The following UST variants were observed in gnomAD, a reference collection of about 807,000 sequenced individuals.
The protein encoded by UST is chondroitin sulfate 2-O-sulfotransferase.
Under a neutral mutation model 45.6 loss-of-function variants are expected in UST, and 21 were observed. That is an observed-to-expected ratio of 0.46 (90% CI 0.33 to 0.66). UST has a LOEUF of 0.66. Among genes scored for constraint, UST ranks in the 30% least tolerant of loss-of-function variants. The pLI is 0.02. For missense variants in UST, 463 were observed against 512.4 expected (o/e 0.90, Z 0.93); for synonymous variants, 215 against 200.6 (o/e 1.07, Z -0.61).
intron 5 of UST, among the ~76,000 whole-genome samples, chr6:149,010,808 G>A (rs867442975): frequency 5.3e-5 from 8 of 150,276 alleles, no homozygotes; most frequent in South Asian, 2.1e-4. Flanking sequence ...CAGGAGAATC[G>A]CTTAATCTGG....
intron 1 of UST, among the ~76,000 whole-genome samples, chr6:148,874,972 C>T (rs945600355): frequency 6.6e-5 from 10 of 152,270 alleles, no homozygotes; most frequent in African/African-American, 7.2e-5. Flanking sequence ...ACTCCCGGGG[C>T]GACATGCCGC....
At chr6:149,038,301 A>G (rs1450374302) in intron 7 of UST, among the ~76,000 whole-genome samples, 1 of 149,866 alleles carries the variant, frequency 6.7e-6, no homozygotes, top group Non-Finnish European at 1.5e-5. Flanking sequence ...GGAAGTAGAG[A>G]CTTTGCAGAT....
chr6:148,882,221 C>G (rs1463826003), intron 1 of UST, among the ~76,000 whole-genome samples: 2 of 152,078 alleles, frequency 1.3e-5, no homozygotes, highest in African/African-American at 4.8e-5. Context: ...CGCAGTGGCT[C>G]ACACCTGCAA....
chr6:148,894,087 T>C, intron 2 of UST, among the ~76,000 whole-genome samples: 1 of 151,894 alleles, frequency 6.6e-6, no homozygotes, highest in Non-Finnish European at 1.5e-5. Flanking sequence ...TTAAGAGTGG[T>C]AGGTGGGAAA....
At chr6:148,936,534 C>G (rs1004426918) in intron 2 of UST, among the ~76,000 whole-genome samples, 1 of 147,872 alleles carries the variant, frequency 6.8e-6, no homozygotes, top group African/African-American at 2.5e-5. Flanking sequence ...GTCACAGAAC[C>G]TAGGACAGGG....
chr6:148,850,001 A>G (rs952238361), intron 1 of UST, among the ~76,000 whole-genome samples: 1 of 152,190 alleles, frequency 6.6e-6, no homozygotes, highest in Non-Finnish European at 1.5e-5. Context: ...TCTATGTGGT[A>G]TATGTGTGTG....
chr6:148,796,901 C>G (rs987085578), intron 1 of UST, among the ~76,000 whole-genome samples: 1 of 138,562 alleles, frequency 7.2e-6, no homozygotes, highest in African/African-American at 2.7e-5. Context: ...CTCCCCAGTT[C>G]AAGCAATTCT....
intron 1 of UST, among the ~76,000 whole-genome samples, chr6:148,878,354 AGT>A (rs139798038): frequency 0.02 from 697 of 34,906 alleles, 39 homozygotes; most frequent in African/African-American, 0.059. Context: ...ATCGTGTATG[AGT>A]GTGGGGATCG....
At chr6:148,875,350 A>C (rs1052088924) in intron 1 of UST, among the ~76,000 whole-genome samples, 3 of 152,202 alleles carry the variant, frequency 2.0e-5, no homozygotes, top group Admixed American at 6.5e-5. Flanking sequence ...ATTGGAAAAA[A>C]TTTTTTGTAA....
intron 7 of UST, among the ~76,000 whole-genome samples, chr6:149,040,526 A>T (rs752695716): frequency 6.6e-6 from 1 of 152,150 alleles, no homozygotes; most frequent in African/African-American, 2.4e-5. Flanking sequence ...ATGGTGGTGC[A>T]TGCCTGTAAT....
intron 1 of UST, among the ~76,000 whole-genome samples, chr6:148,761,449 C>T (rs984975496): frequency 2.6e-5 from 4 of 151,554 alleles, no homozygotes; most frequent in Non-Finnish European, 5.9e-5. Context: ...CTGGTCAGAG[C>T]TTTACAGAAA....
chr6:149,052,531 G>T (rs564316485), intron 7 of UST, among the ~76,000 whole-genome samples: 69 of 152,284 alleles, frequency 4.5e-4, no homozygotes, highest in African/African-American at 1.6e-3. Flanking sequence ...GCACTCAAGT[G>T]ATTGAACATT....
chr6:148,887,974 C>A (rs986374341), intron 2 of UST, among the ~76,000 whole-genome samples: 2 of 152,126 alleles, frequency 1.3e-5, no homozygotes, highest in Non-Finnish European at 2.9e-5. Flanking sequence ...GATAATGAAC[C>A]CCCAACCTTA....
intron 2 of UST, among the ~76,000 whole-genome samples, chr6:148,914,406 T>A (rs1223256571): frequency 1.4e-5 from 1 of 70,906 alleles, no homozygotes; most frequent in Non-Finnish European, 3.0e-5. Context: ...GGGGGGTGGG[T>A]GGGGAGGATG....
intron 7 of UST, among the ~76,000 whole-genome samples, chr6:149,054,477 G>T (rs952374086): frequency 6.6e-6 from 1 of 152,172 alleles, no homozygotes; most frequent in African/African-American, 2.4e-5. Flanking sequence ...ATCTTCTGTG[G>T]TTCCAGATAC....
intron 1 of UST, among the ~76,000 whole-genome samples, chr6:148,785,919 A>G (rs1409913587): frequency 2.0e-5 from 3 of 152,244 alleles, no homozygotes; most frequent in African/African-American, 7.2e-5. Context: ...GATATACAGA[A>G]GTAGAATTAT....
Position 149,013,713 on chromosome 6 carries a change from AT to A in UST, c.682-5424del, listed in dbSNP as rs1402028863. ...CCAGCACCCAAATCTCCTTTTCCTCATTCAGGGAACTTTGCATATGGCCTCT... is the reference window on the plus strand; with the variant it reads ...CCAGCACCCAAATCTCCTTTTCCTCATCAGGGAACTTTGCATATGGCCTCT... On this transcript the variant is annotated intron_variant, in intron 5 of 7. Coordinates refer to ENST00000367463, the MANE Select transcript of UST (RefSeq NM_005715.3). Among the ~76,000 whole-genome samples the A allele has an allele frequency of 2.0e-5, 3 of 152,154 alleles. 1 individual carries two copies. The highest frequency in any genetic ancestry group is 1.3e-4 in the Admixed American group (2 of 15,294).
chr6:148,961,994 C>A (rs141771434), intron 4 of UST, among the ~76,000 whole-genome samples: 1,908 of 152,300 alleles, frequency 0.013, 42 homozygotes, highest in African/African-American at 0.042. Flanking sequence ...GGACGTGTCA[C>A]CCCAGATTTT....
At chr6:149,004,257 A>G (rs1043433897) in intron 5 of UST, among the ~76,000 whole-genome samples, 1 of 152,210 alleles carries the variant, frequency 6.6e-6, no homozygotes. Flanking sequence ...AGAATTGTCA[A>G]CAGCTGGACT....
Sources: gnomAD v4.1 joint callset for allele counts (sites outside exome capture counted in the v4.1 genomes callset) on GRCh38, gnomAD v4.1.1 for gene constraint, MANE v1.5 for transcripts, NCBI Gene and HGNC (gene_info 2026-07-23, HGNC 2026-07-21) for gene names.